The following DGKI variants were observed in gnomAD, a reference collection of about 807,000 sequenced individuals.
DGKI encodes diacylglycerol kinase iota.
A neutral mutation model predicts 147.5 loss-of-function variants in DGKI; 55 were observed. That is an observed-to-expected ratio of 0.37 (90% CI 0.30 to 0.47). DGKI has a LOEUF of 0.47. Among genes scored for constraint, DGKI ranks in the 20% least tolerant of loss-of-function variants. The probability of loss-of-function intolerance (pLI) is 1.00; values close to 1 mark genes in which losing one functional copy is unlikely to be tolerated. For missense variants in DGKI, 1,007 were observed against 1,323.8 expected, an observed-to-expected ratio of 0.76 and a Z score of 3.71; for synonymous variants, 469 against 477.1, an observed-to-expected ratio of 0.98 and a Z score of 0.22.
Position 137,846,448 on chromosome 7 carries a change from C to G in DGKI, c.401+14G>C, listed in dbSNP as rs779062892. The G allele has an allele frequency of 7.0e-6, 11 of 1,574,328 alleles. No homozygotes were observed. In the African/African-American group the frequency reaches 1.4e-4, roughly 20 times the overall value. On this transcript the variant is annotated intron_variant, in intron 1 of 32. Transcript: ENST00000614521. This position sits in a 1 kb window ranked among gnomAD's most constrained non-coding sequence, Gnocchi z 4.0. ...GCGGCGCACCTGTCTCGGCTGCCGG[C>G]TCCCCGCACCTACCTGTACGAGACC...
rs559572242 is a variant in DGKI, at chr7:137,762,448, C to T, written c.402-72446G>A. Among the ~76,000 whole-genome samples, 84 of 152,224 alleles carry T rather than the reference C, an allele frequency of 5.5e-4. 1 individual carries two copies. Among genetic ancestry groups the T allele is most frequent in the Non-Finnish European group, 6.0e-4 (41 of 68,034 alleles). On this transcript the variant is annotated intron_variant, in intron 1 of 32. Coordinates refer to ENST00000614521, the MANE Select transcript of DGKI (RefSeq NM_001321708.2). ...GTCTTTCTCACATTCTATACTCCAGCAGCAGGGAACGCTAAAGTGAGAAAA... is the reference window on the plus strand; with the variant it reads ...GTCTTTCTCACATTCTATACTCCAGTAGCAGGGAACGCTAAAGTGAGAAAA...
At chr7:137,726,417 C>G (rs551576465) in intron 1 of DGKI, among the ~76,000 whole-genome samples, 1 of 152,274 alleles carries the variant, frequency 6.6e-6, no homozygotes, top group East Asian at 1.9e-4. Flanking sequence ...TTCTCATGGT[C>G]ACTATTCTGA....
At chr7:137,437,929 C>T (rs1169899344) in intron 28 of DGKI, among the ~76,000 whole-genome samples, 2 of 151,928 alleles carry the variant, frequency 1.3e-5, no homozygotes, top group East Asian at 3.9e-4. Context: ...TATCTCTTAC[C>T]AAACCACAAA....
intron 30 of DGKI, among the ~76,000 whole-genome samples, chr7:137,405,247 C>CG (rs1229822104): frequency 9.3e-6 from 1 of 107,108 alleles, no homozygotes; most frequent in East Asian, 3.0e-4. Context: ...TTATTGTTAT[C>CG]ATTTTTTTTT....
chr7:137,680,084 A>G (rs373526596), intron 2 of DGKI, among the ~76,000 whole-genome samples: 2 of 151,946 alleles, frequency 1.3e-5, no homozygotes, highest in East Asian at 1.9e-4. Flanking sequence ...TAATGAGTTC[A>G]TGGGGGTGGA....
chr7:137,631,743 T>C (rs1278813265), intron 6 of DGKI, among the ~76,000 whole-genome samples: 1 of 150,584 alleles, frequency 6.6e-6, no homozygotes, highest in African/African-American at 2.4e-5. Flanking sequence ...AAAAAAAAAA[T>C]GAACCATGTT....
intron 15 of DGKI, among the ~76,000 whole-genome samples, chr7:137,581,032 A>T (rs1337732461): frequency 1.3e-5 from 2 of 152,152 alleles, no homozygotes; most frequent in Non-Finnish European, 2.9e-5. Flanking sequence ...TAATAAGAAC[A>T]GAGTTTAAGA....
At position 137,391,150 on chromosome 7, in the gene DGKI, G is replaced by A; in HGVS notation, c.*70C>T. 1 of 1,139,510 alleles carries A rather than the reference G, an allele frequency of 8.8e-7. No individual in the cohort carries two copies. The highest frequency in any genetic ancestry group is 1.3e-6 in the Non-Finnish European group (1 of 749,184). The allele number at this position is 1,139,510 out of a possible 1,614,324, so 70.6% of individuals were successfully genotyped here. On this transcript the variant is annotated 3_prime_UTR_variant, in exon 33 of 33. Transcript: ENST00000614521. ...ATGAATTCCATCAGCTTCTTCCAGG[G>A]GAGCTGCCCAATTGCAGGGAGGGCA...
intron 1 of DGKI, among the ~76,000 whole-genome samples, chr7:137,741,936 T>A (rs774593133): frequency 1.3e-5 from 2 of 152,046 alleles, no homozygotes; most frequent in African/African-American, 4.8e-5. Flanking sequence ...TAAAAAAAAA[T>A]TCTTACTTAA....
intron 1 of DGKI, among the ~76,000 whole-genome samples, chr7:137,704,453 A>C (rs1360177287): frequency 6.6e-6 from 1 of 152,166 alleles, no homozygotes; most frequent in Admixed American, 6.5e-5. Flanking sequence ...GGTGAATTGT[A>C]ATTGTTCAAT....
chr7:137,471,821 A>G (rs958227188), intron 23 of DGKI, among the ~76,000 whole-genome samples: 6 of 149,210 alleles, frequency 4.0e-5, no homozygotes, highest in Admixed American at 6.7e-5. Context: ...TATCATTTAT[A>G]TTTATAAATA....
At chr7:137,462,624 C>T (rs192139273) in intron 27 of DGKI, among the ~76,000 whole-genome samples, 6 of 152,210 alleles carry the variant, frequency 3.9e-5, no homozygotes, top group Admixed American at 6.5e-5. Flanking sequence ...CCCTAGGATT[C>T]GAAGAATCTT....
chr7:137,452,655 A>G (rs887031467), intron 27 of DGKI, among the ~76,000 whole-genome samples: 3 of 152,212 alleles, frequency 2.0e-5, no homozygotes, highest in Admixed American at 6.5e-5. Flanking sequence ...ACCACTTTCT[A>G]TAAACATCAG....
chr7:137,807,687 C>T (rs1245265355), intron 1 of DGKI, among the ~76,000 whole-genome samples: 1 of 152,228 alleles, frequency 6.6e-6, no homozygotes, highest in Admixed American at 6.5e-5. Flanking sequence ...TGTCTCCCAT[C>T]AGGCAAGCCC....
chr7:137,709,271 G>A (rs969376671), intron 1 of DGKI, among the ~76,000 whole-genome samples: 1 of 152,136 alleles, frequency 6.6e-6, no homozygotes, highest in Non-Finnish European at 1.5e-5. Context: ...TTTCTCTTAT[G>A]GGCCACTGGG....
At chr7:137,644,184 G>A (rs142461713) in intron 6 of DGKI, among the ~76,000 whole-genome samples, 43 of 152,306 alleles carry the variant, frequency 2.8e-4, no homozygotes, top group African/African-American at 1.0e-3. Context: ...CATGTAGGAT[G>A]GCCAATAAGA....
At chr7:137,486,500 T>C (rs1396092914) in intron 22 of DGKI, among the ~76,000 whole-genome samples, 2 of 152,130 alleles carry the variant, frequency 1.3e-5, no homozygotes, top group Non-Finnish European at 1.5e-5. Flanking sequence ...GAATTGGACC[T>C]GAGTCACTAA....
chr7:137,626,731 C>T (rs1820957024), intron 6 of DGKI, among the ~76,000 whole-genome samples: 1 of 152,158 alleles, frequency 6.6e-6, no homozygotes, highest in African/African-American at 2.4e-5. Flanking sequence ...GTGCCTCTGT[C>T]CAGTCCGGTA....
chr7:137,722,374 A>G, intron 1 of DGKI: 1 of 1,612,850 alleles, frequency 6.2e-7, no homozygotes, highest in Non-Finnish European at 8.5e-7. Flanking sequence ...GAGCCACAGC[A>G]AAAAACCCTT....
Sources: gnomAD v4.1 joint callset for allele counts (sites outside exome capture counted in the v4.1 genomes callset) on GRCh38, gnomAD v4.1.1 for gene constraint, Gnocchi (gnomAD v3.1) non-coding constraint, MANE v1.5 for transcripts, NCBI Gene and HGNC (gene_info 2026-07-23, HGNC 2026-07-21) for gene names.